KEAP1: variants seen among roughly 807,000 people sequenced by gnomAD.
KEAP1 encodes kelch like ECH associated protein 1.
A neutral mutation model predicts 59.7 loss-of-function variants in KEAP1; 26 were observed. The observed-to-expected ratio is 0.44, with a 90% CI of 0.32 to 0.60. The LOEUF is 0.60. KEAP1 is among the 20% of genes least tolerant of loss of function. The pLI, the probability that KEAP1 is intolerant of heterozygous loss-of-function variation, is 0.06. For synonymous variants in KEAP1, 350 were observed against 358.3 expected (o/e 0.98, Z 0.26); for missense variants, 539 against 871.4 (o/e 0.62, Z 4.80).
chr19:10,497,148 G>T lies in KEAP1; in HGVS notation c.639+2247C>A, dbSNP rs1008696879. On this transcript the variant is annotated intron_variant, in intron 2 of 5. Coordinates refer to ENST00000171111, the MANE Select transcript of KEAP1 (RefSeq NM_203500.2). ...CAAAAAAAAAAAAAAAAGTTGTCAGGCACTCGTCTATGTAATCAGTTTTAA... is the reference window on the plus strand; with the variant it reads ...CAAAAAAAAAAAAAAAAGTTGTCAGTCACTCGTCTATGTAATCAGTTTTAA... 2.6e-5 allele frequency among the ~76,000 whole-genome samples: 4 copies of T among 151,466 alleles called. No individual in the cohort carries two copies. The Admixed American group carries it at 2.6e-4, about 10-fold the overall frequency.
At position 10,491,415 on chromosome 19, in the gene KEAP1, T is replaced by C. The variant is rs961922368; in HGVS notation, c.1325+162A>G. The stretch of plus-strand genomic sequence containing the variant: ...CCAGCCCCAGGCACAGAATCAAAGG[T>C]CACTGACTAGAACTCTCCAAGGAGC... On this transcript the variant is annotated intron_variant, in intron 3 of 5. Coordinates refer to ENST00000171111, the MANE Select transcript of KEAP1 (RefSeq NM_203500.2). This position sits in a 1 kb window ranked among gnomAD's most constrained non-coding sequence, Gnocchi z 5.2. 6.6e-6 allele frequency among the ~76,000 whole-genome samples: 1 copy of C among 152,072 alleles called. No individual in the cohort carries two copies. The highest frequency in any genetic ancestry group is 2.4e-5 in the African/African-American group (1 of 41,400).
In KEAP1 at chr19:10,499,906, G is replaced by A. The variant is rs1157745723; in HGVS notation, c.128C>T (p.Thr43Met). ...YASTECKAEV[T>M]PSQHGNRTFS... The stretch of plus-strand genomic sequence containing the variant: ...GGTGCGGTTGCCATGCTGGGAGGGC[G>A]TCACCTCCGCCTTGCACTCAGTGGA... The change falls in exon 2 of 6, where the codon ACG (threonine) becomes ATG (methionine). Residue 43 changes from threonine to methionine, a missense_variant. Physicochemically the swap from Thr to Met is moderately conservative, Grantham distance 81. This residue lies in a region of KEAP1 where 166 missense variants were observed against 295.8 expected (regional missense o/e 0.56). Transcript: ENST00000171111. This position sits in a 1 kb window ranked among gnomAD's most constrained non-coding sequence, Gnocchi z 6.7. 21 of 1,613,016 alleles carry A rather than the reference G, an allele frequency of 1.3e-5. No homozygotes were observed. The highest frequency in any genetic ancestry group is 9.3e-5 in the African/African-American group (7 of 74,930).
chr19:10,499,086 C>T lies in KEAP1; in HGVS notation c.639+309G>A, dbSNP rs1599490310. ...CTTACCTCAGGTGATCCACCTGCCT[C>T]GGCCTCCCAAAGTGTTGGGATTACA... On this transcript the variant is annotated intron_variant, in intron 2 of 5. Coordinates refer to ENST00000171111, the MANE Select transcript of KEAP1 (RefSeq NM_203500.2). The surrounding 1 kb of genome is among the most constrained non-coding windows in gnomAD (Gnocchi z 6.7). Among the ~76,000 whole-genome samples, 1 of 152,162 alleles carries T rather than the reference C, an allele frequency of 6.6e-6. No homozygotes were observed. The highest frequency in any genetic ancestry group is 1.5e-5 in the Non-Finnish European group (1 of 68,038).
At position 10,492,444 on chromosome 19, in the gene KEAP1, C is replaced by A. The variant is rs149903369; in HGVS notation, c.640-182G>T. On this transcript the variant is annotated intron_variant, in intron 2 of 5. Coordinates refer to ENST00000171111, the MANE Select transcript of KEAP1 (RefSeq NM_203500.2). The stretch of plus-strand genomic sequence containing the variant: ...GACTAAATGAGTTAATCCTGCCGGG[C>A]GCGGTGGCTCACGCCTGTAATGCCA... 2.4e-4 allele frequency: 141 copies of A among 596,970 alleles called. No homozygotes were observed. The African/African-American group carries it at 2.4e-3, about 10-fold the overall frequency. The allele number at this position is 596,970 out of a possible 1,614,324, so 37.0% of individuals were successfully genotyped here. A position where few individuals can be genotyped will look rare whatever the true frequency, so the allele number is the denominator to read the frequency against.
intron 5 of KEAP1, among the ~76,000 whole-genome samples, chr19:10,488,159 T>C (rs1179243078): frequency 6.6e-6 from 1 of 151,520 alleles, no homozygotes; most frequent in Admixed American, 6.6e-5. Context: ...TGGTGGCACG[T>C]GCCTGTATTC....
intron 2 of KEAP1, among the ~76,000 whole-genome samples, chr19:10,496,711 G>A (rs1283832538): frequency 6.6e-6 from 1 of 151,716 alleles, no homozygotes; most frequent in African/African-American, 2.4e-5. Context: ...TGAGGCATGA[G>A]AATCGCTTGA....
In KEAP1 at chr19:10,491,665, G is replaced by T; in HGVS notation, c.1237C>A (p.Arg413Ser). ...WSPCAPMSVP[R>S]NRIGVGVIDG... ...ATGACCCCCACCCCGATGCGGTTAC[G>T]GGGCACGCTCATGGGGGCGCAGGGC... The change falls in exon 3 of 6, where the codon CGT (arginine) becomes AGT (serine). Residue 413 changes from arginine (R) to serine (S), a missense_variant. Transcript: ENST00000171111. This position sits in a 1 kb window ranked among gnomAD's most constrained non-coding sequence, Gnocchi z 5.2. 6.3e-7 allele frequency: 1 copy of T among 1,588,678 alleles called. No homozygotes were observed. Among genetic ancestry groups the T allele is most frequent in the Non-Finnish European group, 8.6e-7 (1 of 1,168,766 alleles).
In KEAP1 at chr19:10,491,546, T is replaced by A; in HGVS notation, c.1325+31A>T. 6.7e-7 allele frequency: 1 copy of A among 1,485,692 alleles called. No homozygotes were observed. The highest frequency in any genetic ancestry group is 9.0e-7 in the Non-Finnish European group (1 of 1,116,780). The allele number at this position is 1,485,692 out of a possible 1,614,324, so 92.0% of individuals were successfully genotyped here. On this transcript the variant is annotated intron_variant, in intron 3 of 5. Transcript: ENST00000171111. This position sits in a 1 kb window ranked among gnomAD's most constrained non-coding sequence, Gnocchi z 5.2. Reference sequence around the variant, plus strand: ...TTGGGACTTGCCAGGAGCAGGACCCTCCGAGCCCACCCCCAGGCCCTGCCA... The same window carrying A: ...TTGGGACTTGCCAGGAGCAGGACCCACCGAGCCCACCCCCAGGCCCTGCCA...
At chr19:10,492,448 G>GTGGC (rs1233598327) in intron 2 of KEAP1, 186 bp from the exon 3 acceptor site, 2 of 591,374 alleles carry the variant, frequency 3.4e-6, no homozygotes, top group Non-Finnish European at 6.0e-6. Context: ...GCCGGGCGCG[G>GTGGC]TGGCTCACGC....
chr19:10,492,279 T>C lies in KEAP1; in HGVS notation c.640-17A>G. 6.3e-7 allele frequency: 1 copy of C among 1,593,378 alleles called. No homozygotes were observed. Among genetic ancestry groups the C allele is most frequent in the South Asian group, 1.1e-5 (1 of 89,238 alleles). On this transcript the variant is annotated splice_polypyrimidine_tract_variant and intron_variant, in intron 2 of 5. Coordinates refer to ENST00000171111, the MANE Select transcript of KEAP1 (RefSeq NM_203500.2). ...CTTGGCCACCTGCAGAGGGCGACAGTGGGACGGGCTGACTCTCCAGTCACC... is the reference window on the plus strand; with the variant it reads ...CTTGGCCACCTGCAGAGGGCGACAGCGGGACGGGCTGACTCTCCAGTCACC...
At chr19:10,500,109 G>GC in intron 1 of KEAP1, 29 bp from the exon 2 acceptor site, 1 of 1,452,602 alleles carries the variant, frequency 6.9e-7, no homozygotes, top group East Asian at 2.4e-5. Context: ...AGGGCAGAGG[G>GC]CAGGGGTTGG....
intron 1 of KEAP1, among the ~76,000 whole-genome samples, chr19:10,500,840 C>T (rs1465254453): frequency 3.9e-5 from 6 of 151,984 alleles, no homozygotes; most frequent in Non-Finnish European, 7.4e-5. Flanking sequence ...CCACCACACC[C>T]GGCTAGTTTT....
At chr19:10,500,453 A>T (rs1915003402) in intron 1 of KEAP1, among the ~76,000 whole-genome samples, 1 of 152,136 alleles carries the variant, frequency 6.6e-6, no homozygotes, top group African/African-American at 2.4e-5. Context: ...TGTTGAGCTC[A>T]TTCCTTCATT....
At chr19:10,494,034 T>C (rs1394913260) in intron 2 of KEAP1, among the ~76,000 whole-genome samples, 2 of 151,932 alleles carry the variant, frequency 1.3e-5, no homozygotes, top group Non-Finnish European at 2.9e-5. Context: ...CTTGAACTCC[T>C]GGGCTCAAAC....
In KEAP1 at chr19:10,499,949, CCCCTG is replaced by C; in HGVS notation, c.80_84del (p.Ala27GlyfsTer9). The C allele has an allele frequency of 6.2e-7, 1 of 1,607,372 alleles. No homozygotes were observed. Among genetic ancestry groups the C allele is most frequent in the Non-Finnish European group, 8.5e-7 (1 of 1,175,418 alleles). On this transcript the variant is annotated frameshift_variant, in exon 2 of 6. Transcript: ENST00000171111. LOFTEE classifies it high-confidence loss of function. This position sits in a 1 kb window ranked among gnomAD's most constrained non-coding sequence, Gnocchi z 6.7. ...TCAGTGGAGGCGTACATCACCGCGT[CCCCTG>C]CCCCCTCAGGGCACTGTGACTGCAG...
In KEAP1 at chr19:10,489,792, C is replaced by A; in HGVS notation, c.1387G>T (p.Val463Leu). 6.2e-7 allele frequency: 1 copy of A among 1,614,148 alleles called. No individual in the cohort carries two copies. The highest frequency in any genetic ancestry group is 8.5e-7 in the Non-Finnish European group (1 of 1,180,020). The change falls in exon 4 of 6, where the codon GTG becomes TTG. Residue 463 changes from valine to leucine, a missense_variant. Around this residue, in one of 4 missense-constraint regions of KEAP1, gnomAD observed 311 missense variants for 425.2 expected, o/e 0.73. Transcript: ENST00000171111. The part of the protein sequence containing the change: ...VAPMLTRRIG[V>L]GVAVLNRLLY... ...AGACGATTGAGGACAGCCACGCCCA[C>A]CCCGATCCTTCGTGTCAGCATTGGG... is the stretch of plus-strand genomic sequence containing the variant.
At chr19:10,496,547 A>C (rs1914858166) in intron 2 of KEAP1, among the ~76,000 whole-genome samples, 1 of 151,020 alleles carries the variant, frequency 6.6e-6, no homozygotes, top group Non-Finnish European at 1.5e-5. Flanking sequence ...CAAGCCTGTA[A>C]TCCCAACACT....
chr19:10,489,169 C>G (rs2144585694), intron 5 of KEAP1, 23 bp downstream of exon 5: 1 of 1,577,846 alleles, frequency 6.3e-7, no homozygotes, highest in Non-Finnish European at 8.7e-7. Context: ...AGTCAGGACT[C>G]TTCCCCGCCC....
At position 10,493,852 on chromosome 19, in the gene KEAP1, C is replaced by T. The variant is rs557555152; in HGVS notation, c.640-1590G>A. 1.3e-3 allele frequency among the ~76,000 whole-genome samples: 193 copies of T among 151,846 alleles called. 1 individual carries two copies. Among genetic ancestry groups the T allele is most frequent in the Admixed American group, 3.5e-3 (53 of 15,204 alleles). On this transcript the variant is annotated intron_variant, in intron 2 of 5. Transcript: ENST00000171111. Reference sequence around the variant, plus strand: ...CTGGGATTACAAGCGTGAGCCACCTCGCCTGGCCAGTCTTGAACTCTTGAC... The same window carrying T: ...CTGGGATTACAAGCGTGAGCCACCTTGCCTGGCCAGTCTTGAACTCTTGAC...
Sources: allele counts gnomAD v4.1 joint callset (sites outside exome capture counted in the v4.1 genomes callset), GRCh38; gene constraint gnomAD v4.1.1; regional missense constraint gnomAD v4.1.1; non-coding constraint Gnocchi (gnomAD v3.1); transcripts MANE v1.5; gene names NCBI Gene and HGNC (gene_info 2026-07-23, HGNC 2026-07-21).